The following MALRD1 variants were observed in gnomAD, a reference collection of about 807,000 sequenced individuals.
The protein encoded by MALRD1 is MAM and LDL-receptor class A domain-containing protein 1.
In MALRD1, 247 loss-of-function variants were observed where a neutral mutation model predicts 242.1. The ratio of observed to expected loss-of-function variants is 1.02; its 90% CI spans 0.92 to 1.13. The LOEUF is 1.13. Among genes scored for constraint, MALRD1 ranks in the 50% most tolerant of loss-of-function variants. MALRD1 has a pLI of 0.00. For synonymous variants in MALRD1, 995 were observed against 866.6 expected, an observed-to-expected ratio of 1.15 and a Z score of -2.60; for missense variants, 2,989 against 2,533.1, an observed-to-expected ratio of 1.18 and a Z score of -3.86.
chr10:19,113,441 T>G (rs1451810095), intron 5 of MALRD1, among the ~76,000 whole-genome samples: 1 of 151,912 alleles, frequency 6.6e-6, no homozygotes, highest in Non-Finnish European at 1.5e-5. Flanking sequence ...ACTTTTCTTT[T>G]TCTTCTTCTT....
At chr10:19,461,300 A>G (rs1227079059) in intron 29 of MALRD1, among the ~76,000 whole-genome samples, 2 of 152,184 alleles carry the variant, frequency 1.3e-5, no homozygotes, top group African/African-American at 4.8e-5. Context: ...AGAGTTTAAA[A>G]TCGTTGATTA....
chr10:19,166,170 A>C (rs1834677889), intron 13 of MALRD1, among the ~76,000 whole-genome samples: 1 of 152,236 alleles, frequency 6.6e-6, no homozygotes, highest in African/African-American at 2.4e-5. Context: ...ATCATTTCTA[A>C]GTGAAGACGT....
intron 21 of MALRD1, among the ~76,000 whole-genome samples, chr10:19,314,855 A>G (rs948619415): frequency 6.6e-6 from 1 of 151,274 alleles, no homozygotes; most frequent in African/African-American, 2.4e-5. Context: ...GCGCAACGTG[A>G]AGTGCCGGTC....
intron 26 of MALRD1, among the ~76,000 whole-genome samples, chr10:19,383,452 T>G (rs1342712062): frequency 6.6e-6 from 1 of 152,282 alleles, no homozygotes; most frequent in East Asian, 1.9e-4. Flanking sequence ...CAGTCTACAG[T>G]TATGGGCATA....
At chr10:19,171,059 C>T (rs72790793) in intron 13 of MALRD1, among the ~76,000 whole-genome samples, 9,786 of 151,800 alleles carry the variant, frequency 0.064, 427 homozygotes, top group Middle Eastern at 0.11. Flanking sequence ...ATGTTAATTG[C>T]GTATTTGTCT....
intron 21 of MALRD1, among the ~76,000 whole-genome samples, chr10:19,293,532 T>G (rs540656587): frequency 6.6e-6 from 1 of 152,358 alleles, no homozygotes; most frequent in Non-Finnish European, 1.5e-5. Flanking sequence ...ATTTTGATTT[T>G]ATTCAAAGAT....
chr10:19,214,586 A>G (rs909728691), intron 18 of MALRD1, among the ~76,000 whole-genome samples: 2 of 152,044 alleles, frequency 1.3e-5, no homozygotes, highest in Admixed American at 1.3e-4. Flanking sequence ...GTATGGAGAA[A>G]CTTCAGAAAG....
chr10:19,278,017 A>G (rs1045171389), intron 19 of MALRD1, among the ~76,000 whole-genome samples: 1 of 152,104 alleles, frequency 6.6e-6, no homozygotes, highest in Non-Finnish European at 1.5e-5. Context: ...TGAAATAGAC[A>G]TTTTATATCT....
At chr10:19,390,136 G>A (rs551108904) in intron 28 of MALRD1, among the ~76,000 whole-genome samples, 1 of 152,314 alleles carries the variant, frequency 6.6e-6, no homozygotes, top group African/African-American at 2.4e-5. Context: ...GAATCCCAGA[G>A]ACTCATTATA....
intron 36 of MALRD1, among the ~76,000 whole-genome samples, chr10:19,677,724 C>T (rs1019844232): frequency 6.6e-6 from 1 of 152,064 alleles, no homozygotes; most frequent in Non-Finnish European, 1.5e-5. Flanking sequence ...TTGACATTTT[C>T]ATCATGAAAT....
chr10:19,708,731 G>A lies in MALRD1; in HGVS notation c.6314+16177G>A, dbSNP rs1328897102. ...GGCTGGAGTGCAGAGGCACGATCTC[G>A]GCTCACCACAACCTCCGCCTCCCAG... On this transcript the variant is annotated intron_variant, in intron 38 of 39. Coordinates refer to ENST00000454679, the MANE Select transcript of MALRD1 (RefSeq NM_001142308.3). 4.1e-5 allele frequency among the ~76,000 whole-genome samples: 5 copies of A among 121,726 alleles called. 1 individual carries two copies. Among genetic ancestry groups the A allele is most frequent in the African/African-American group, 1.3e-4 (5 of 38,170 alleles). 79.9% of individuals were successfully genotyped at this position (121,726 alleles called of 152,430 possible).
At chr10:19,306,091 C>A (rs1228608046) in intron 21 of MALRD1, among the ~76,000 whole-genome samples, 36 of 109,982 alleles carry the variant, frequency 3.3e-4, no homozygotes, top group Non-Finnish European at 5.6e-4. Flanking sequence ...ACTATATATA[C>A]TATATACTAG....
intron 36 of MALRD1, among the ~76,000 whole-genome samples, chr10:19,691,400 C>G (rs1457316404): frequency 1.3e-5 from 2 of 152,156 alleles, no homozygotes; most frequent in East Asian, 3.9e-4. Context: ...AAATTCAATA[C>G]ATTGTACTGA....
intron 5 of MALRD1, among the ~76,000 whole-genome samples, chr10:19,119,530 C>G (rs968753669): frequency 1.3e-5 from 2 of 152,126 alleles, no homozygotes; most frequent in African/African-American, 4.8e-5. Flanking sequence ...TCGGAGCTGT[C>G]TTCTTGTGCT....
chr10:19,073,714 C>A (rs1213432454), intron 2 of MALRD1, among the ~76,000 whole-genome samples: 1 of 152,068 alleles, frequency 6.6e-6, no homozygotes, highest in Admixed American at 6.6e-5. Flanking sequence ...ATCCAAAACA[C>A]TTCTGGTCCC....
intron 14 of MALRD1, among the ~76,000 whole-genome samples, chr10:19,191,785 G>A (rs181166872): frequency 1.1e-4 from 16 of 152,228 alleles, no homozygotes; most frequent in African/African-American, 3.6e-4. Context: ...ATCACCTGAG[G>A]TCAGGAGTTT....
intron 25 of MALRD1, among the ~76,000 whole-genome samples, chr10:19,349,506 G>T (rs548763240): frequency 1.3e-5 from 2 of 152,218 alleles, no homozygotes; most frequent in Non-Finnish European, 2.9e-5. Context: ...ATGATCAGGT[G>T]AGAGTTTCAG....
At chr10:19,537,497 C>T (rs1290451053) in intron 32 of MALRD1, among the ~76,000 whole-genome samples, 1 of 152,128 alleles carries the variant, frequency 6.6e-6, no homozygotes, top group Non-Finnish European at 1.5e-5. Context: ...GCTCTTCTCT[C>T]TCTCCTTTTT....
At chr10:19,517,807 T>C (rs1317509767) in intron 31 of MALRD1, among the ~76,000 whole-genome samples, 20 of 152,206 alleles carry the variant, frequency 1.3e-4, no homozygotes, top group Admixed American at 1.3e-3. Context: ...ACCCACAGCC[T>C]TCACTTGTTG....
Sources: allele counts gnomAD v4.1 joint callset (sites outside exome capture counted in the v4.1 genomes callset), GRCh38; gene constraint gnomAD v4.1.1; transcripts MANE v1.5; gene names NCBI Gene and HGNC (gene_info 2026-07-23, HGNC 2026-07-21).